Variants in ZEB2 observed in about 807,000 individuals in gnomAD.
ZEB2 encodes zinc finger E-box binding homeobox 2, also known as zinc finger E-box-binding homeobox 2.
In ZEB2, 6 loss-of-function variants were observed where a neutral mutation model predicts 99.9. The observed-to-expected ratio is 0.06, with a 90% confidence interval of 0.03 to 0.12. The LOEUF is 0.12. Among genes scored for constraint, ZEB2 ranks in the 10% least tolerant of loss-of-function variants. The pLI is 1.00. For synonymous variants in ZEB2, 517 were observed against 542.5 expected (o/e 0.95, Z 0.65); for missense variants, 969 against 1,502.8 (o/e 0.64, Z 5.87).
At chr2:144,484,805 A>G (rs961702565) in intron 2 of ZEB2, among the ~76,000 whole-genome samples, 3 of 151,926 alleles carry the variant, frequency 2.0e-5, no homozygotes, top group Non-Finnish European at 4.4e-5. Context: ...ACGGTGGAAC[A>G]TTTCCTGAAC....
At chr2:144,506,982 G>A (rs1030484558) in intron 2 of ZEB2, among the ~76,000 whole-genome samples, 1 of 152,044 alleles carries the variant, frequency 6.6e-6, no homozygotes, top group Non-Finnish European at 1.5e-5. Flanking sequence ...CAGGAATGTG[G>A]TCATCTACCT....
chr2:144,421,046 G>A (rs1703612893), intron 4 of ZEB2, among the ~76,000 whole-genome samples: 1 of 152,192 alleles, frequency 6.6e-6, no homozygotes, highest in South Asian at 2.1e-4. Context: ...AGGCTTTCAA[G>A]TTTGGATGAC....
intron 2 of ZEB2, among the ~76,000 whole-genome samples, chr2:144,440,504 TATATATATA>T (rs1703894639): frequency 4.0e-4 from 4 of 9,940 alleles, no homozygotes; most frequent in African/African-American, 9.9e-4. Flanking sequence ...TATATATATA[TATATATATA>T]TATTTTTTTT....
chr2:144,489,523 T>C (rs1704646584), intron 2 of ZEB2, among the ~76,000 whole-genome samples: 1 of 152,224 alleles, frequency 6.6e-6, no homozygotes, highest in Non-Finnish European at 1.5e-5. Context: ...ATCAGCAGAA[T>C]CTCCTCTCTA....
chr2:144,499,535 C>A (rs1296363072), intron 2 of ZEB2, among the ~76,000 whole-genome samples: 1 of 152,124 alleles, frequency 6.6e-6, no homozygotes, highest in East Asian at 1.9e-4. Context: ...TCTGTAAACG[C>A]TTTTTCTAGT....
At chr2:144,438,612 A>G (rs574626612) in intron 2 of ZEB2, among the ~76,000 whole-genome samples, 1 of 152,262 alleles carries the variant, frequency 6.6e-6, no homozygotes, top group East Asian at 1.9e-4. Flanking sequence ...TACCCCAAAG[A>G]AATGCCTGAA....
chr2:144,470,237 A>T (rs1434998585), intron 2 of ZEB2, among the ~76,000 whole-genome samples: 2 of 152,218 alleles, frequency 1.3e-5, no homozygotes, highest in Non-Finnish European at 2.9e-5. Context: ...AAATGTATTT[A>T]AAACACGCAT....
chr2:144,471,858 G>T (rs181750894), intron 2 of ZEB2, among the ~76,000 whole-genome samples: 1 of 151,258 alleles, frequency 6.6e-6, no homozygotes, highest in East Asian at 1.9e-4. Context: ...GTGGATATAT[G>T]TTATTTGCAT....
intron 2 of ZEB2, chr2:144,463,501 G>A (rs1165802028): frequency 6.6e-6 from 1 of 151,980 alleles, no homozygotes; most frequent in African/African-American, 2.4e-5. Context: ...TAATATACAC[G>A]TGACATGCCA....
At chr2:144,431,848 G>A (rs1247669108) in intron 2 of ZEB2, among the ~76,000 whole-genome samples, 1 of 143,046 alleles carries the variant, frequency 7.0e-6, no homozygotes, top group African/African-American at 2.5e-5. Flanking sequence ...AGTGGGAATG[G>A]GGGGGCTACA....
intron 4 of ZEB2, among the ~76,000 whole-genome samples, chr2:144,408,232 G>T (rs915652844): frequency 7.9e-5 from 12 of 152,186 alleles, no homozygotes; most frequent in Non-Finnish European, 1.0e-4. Flanking sequence ...AGGCTCTCAA[G>T]AATCATTTAT....
chr2:144,506,710 A>C (rs1202503545), intron 2 of ZEB2, among the ~76,000 whole-genome samples: 1 of 152,330 alleles, frequency 6.6e-6, no homozygotes, highest in East Asian at 1.9e-4. Flanking sequence ...TGAGAGAAAG[A>C]AAAAAACCTC....
chr2:144,411,578 A>G (rs1703465324), intron 4 of ZEB2, among the ~76,000 whole-genome samples: 2 of 152,196 alleles, frequency 1.3e-5, no homozygotes, highest in African/African-American at 4.8e-5. Context: ...TTCTCATTAC[A>G]CAGCTACATG....
At chr2:144,483,354 ATTG>A (rs1324540754) in intron 2 of ZEB2, among the ~76,000 whole-genome samples, 1 of 152,160 alleles carries the variant, frequency 6.6e-6, no homozygotes, top group African/African-American at 2.4e-5. Flanking sequence ...AGCTCCTACA[ATTG>A]TTGTAAAGAT....
In ZEB2 at chr2:144,478,019, C is replaced by T. The variant is rs533173145; in HGVS notation, c.73+39259G>A. Among the ~76,000 whole-genome samples, 10 of 152,150 alleles carry T rather than the reference C, an allele frequency of 6.6e-5. No individual in the cohort carries two copies. The South Asian group carries it at 1.7e-3, about 25-fold the overall frequency. Reference sequence around the variant, plus strand: ...AGGAAGAGCATGTGTGTGAAGGAGACGCTCGGGTTTCATCCCGTCACCCAT... The same window carrying T: ...AGGAAGAGCATGTGTGTGAAGGAGATGCTCGGGTTTCATCCCGTCACCCAT... On this transcript the variant is annotated intron_variant, in intron 2 of 9. Transcript: ENST00000627532.
intron 4 of ZEB2, among the ~76,000 whole-genome samples, chr2:144,406,605 G>A (rs1407442502): frequency 2.6e-5 from 4 of 152,174 alleles, no homozygotes; most frequent in Non-Finnish European, 4.4e-5. Context: ...CTGGAGTGCA[G>A]AGGATGAAAG....
chr2:144,513,830 A>G, intron 2 of ZEB2: 1 of 1,535,532 alleles, frequency 6.5e-7, no homozygotes, highest in South Asian at 1.2e-5. Context: ...AATCAGGGGA[A>G]AGAAAAAGGG....
At chr2:144,480,183 GGCTCCCCAT>G (rs1704490331) in intron 2 of ZEB2, among the ~76,000 whole-genome samples, 1 of 152,032 alleles carries the variant, frequency 6.6e-6, no homozygotes, top group Non-Finnish European at 1.5e-5. Flanking sequence ...GTGATATTAT[GGCTCCCCAT>G]AAAAACTTTT....
intron 9 of ZEB2, among the ~76,000 whole-genome samples, chr2:144,391,211 T>C (rs980792399): frequency 4.6e-5 from 7 of 152,242 alleles, no homozygotes; most frequent in Middle Eastern, 3.2e-3. Context: ...AATAATGTTA[T>C]TGAATGCCTC....
Sources: allele counts gnomAD v4.1 joint callset (sites outside exome capture counted in the v4.1 genomes callset), GRCh38; gene constraint gnomAD v4.1.1; transcripts MANE v1.5; gene names NCBI Gene and HGNC (gene_info 2026-07-23, HGNC 2026-07-21).